SLTM: variants seen among roughly 807,000 people sequenced by gnomAD.
SLTM encodes SAFB-like transcription modulator.
In SLTM, 43 loss-of-function variants were observed where a neutral mutation model predicts 134.6. That is an observed-to-expected ratio of 0.32 (90% CI 0.25 to 0.41). The LOEUF is 0.41. SLTM is among the 10% of genes least tolerant of loss of function. The probability of loss-of-function intolerance (pLI) is 1.00; values close to 1 mark genes in which losing one functional copy is unlikely to be tolerated. For synonymous variants in SLTM, 424 were observed against 432.3 expected (o/e 0.98, Z 0.24); for missense variants, 1,055 against 1,288.8 (o/e 0.82, Z 2.78).
chr15:58,923,844 T>G (rs2037275974), intron 2 of SLTM, among the ~76,000 whole-genome samples: 1 of 146,300 alleles, frequency 6.8e-6, no homozygotes, highest in South Asian at 2.2e-4. Flanking sequence ...TGTCTCGCTC[T>G]TCTTGCCCAG....
chr15:58,910,617 G>A (rs1351504281), intron 5 of SLTM, among the ~76,000 whole-genome samples: 1 of 152,120 alleles, frequency 6.6e-6, no homozygotes, highest in Non-Finnish European at 1.5e-5. Flanking sequence ...AACTATAGGA[G>A]TAGTCCTTGA....
chr15:58,901,207 A>C, intron 6 of SLTM, 53 bp downstream of exon 6: 1 of 1,388,138 alleles, frequency 7.2e-7, no homozygotes, highest in South Asian at 1.3e-5. Context: ...TTTTTACATA[A>C]TTTACTGTTT....
In SLTM at chr15:58,890,594, T is replaced by C. The variant is rs145283708; in HGVS notation, c.1899-133A>G. On this transcript the variant is annotated intron_variant, in intron 14 of 20. Transcript: ENST00000380516. Reference sequence around the variant, plus strand: ...CTCAATCTAAGTAGTTTTAATGTAATTGGAAAGAGAATTCAAAGTAAAACT... The same window carrying C: ...CTCAATCTAAGTAGTTTTAATGTAACTGGAAAGAGAATTCAAAGTAAAACT... 0.02 allele frequency: 17,042 copies of C among 852,436 alleles called. 224 individuals carry two copies. The highest frequency in any genetic ancestry group is 0.025 in the Non-Finnish European group (14,333 of 577,292). 52.8% of individuals were successfully genotyped at this position (852,436 alleles called of 1,614,324 possible).
chr15:58,899,361 T>C lies in SLTM; in HGVS notation c.1058+108A>G. The C allele has an allele frequency of 1.2e-6, 1 of 863,810 alleles. No homozygotes were observed. Among genetic ancestry groups the C allele is most frequent in the South Asian group, 1.6e-5 (1 of 61,342 alleles). The allele number at this position is 863,810 out of a possible 1,614,324, so 53.5% of individuals were successfully genotyped here. Reference sequence around the variant, plus strand: ...GTCAAAAATATTATAGGCAGGATCATAAGACACTAATTACTGTACATGTTC... The same window carrying C: ...GTCAAAAATATTATAGGCAGGATCACAAGACACTAATTACTGTACATGTTC... On this transcript the variant is annotated intron_variant, in intron 7 of 20. Transcript: ENST00000380516. The surrounding 1 kb of genome is among the most constrained non-coding windows in gnomAD (Gnocchi z 5.0).
At chr15:58,922,494 CATATTAT>C (rs1352317284) in intron 2 of SLTM, among the ~76,000 whole-genome samples, 1 of 139,728 alleles carries the variant, frequency 7.2e-6, no homozygotes, top group East Asian at 2.0e-4. Context: ...ATACAATATG[CATATTAT>C]ATATTATATA....
chr15:58,923,087 T>G (rs2037210164), intron 2 of SLTM, among the ~76,000 whole-genome samples: 1 of 152,060 alleles, frequency 6.6e-6, no homozygotes, highest in African/African-American at 2.4e-5. Context: ...TCGGGCATGG[T>G]AGCTTGAACC....
chr15:58,930,254 C>G (rs926454047), intron 2 of SLTM, among the ~76,000 whole-genome samples: 1 of 150,734 alleles, frequency 6.6e-6, no homozygotes, highest in Non-Finnish European at 1.5e-5. Flanking sequence ...GCTGGGACTA[C>G]AGGCACGCGC....
chr15:58,880,202 A>C, intron 20 of SLTM, 95 bp from the exon 21 acceptor site: 1 of 1,466,218 alleles, frequency 6.8e-7, no homozygotes, highest in South Asian at 1.4e-5. Flanking sequence ...ATCCAAAATA[A>C]ATCATTTACT....
intron 2 of SLTM, among the ~76,000 whole-genome samples, chr15:58,929,777 C>A (rs1238420188): frequency 1.3e-5 from 2 of 151,992 alleles, no homozygotes; most frequent in Non-Finnish European, 2.9e-5. Flanking sequence ...TTTTAGAACT[C>A]TGCCATTTTA....
Position 58,933,574 on chromosome 15 carries a change from A to G in SLTM, c.-9T>C. The G allele has an allele frequency of 6.4e-7, 1 of 1,573,804 alleles. No individual in the cohort carries two copies. Among genetic ancestry groups the G allele is most frequent in the Non-Finnish European group, 8.6e-7 (1 of 1,162,000 alleles). Reference sequence around the variant, plus strand: ...CCGGTAGCGGCAGCCATCTTAGAAGAGCAGCGCGCTGCCGAGGCAGCGAGT... The same window carrying G: ...CCGGTAGCGGCAGCCATCTTAGAAGGGCAGCGCGCTGCCGAGGCAGCGAGT... On this transcript the variant is annotated 5_prime_UTR_variant, in exon 1 of 21. Transcript: ENST00000380516.
intron 5 of SLTM, among the ~76,000 whole-genome samples, chr15:58,902,711 T>C (rs1476643433): frequency 6.6e-6 from 1 of 150,910 alleles, no homozygotes; most frequent in African/African-American, 2.4e-5. Context: ...TAATAACTTG[T>C]TTTGTATGTT....
chr15:58,927,463 G>A (rs1567164766), intron 2 of SLTM, among the ~76,000 whole-genome samples: 2 of 152,124 alleles, frequency 1.3e-5, no homozygotes, highest in Admixed American at 6.6e-5. Flanking sequence ...TAAAAACGGG[G>A]TTTCACCATG....
At chr15:58,882,586 A>G (rs1164868880) in intron 20 of SLTM, among the ~76,000 whole-genome samples, 1 of 152,254 alleles carries the variant, frequency 6.6e-6, no homozygotes, top group Non-Finnish European at 1.5e-5. Flanking sequence ...TGAAAATAAA[A>G]GAATCTATAT....
At chr15:58,883,523 G>T (rs1230966789) in intron 20 of SLTM, 103 bp downstream of exon 20, 1 of 1,465,214 alleles carries the variant, frequency 6.8e-7, no homozygotes, top group South Asian at 1.3e-5. Context: ...CAGATCTAGG[G>T]TTTTCAGTAG....
chr15:58,890,246 G>A, intron 15 of SLTM, 35 bp downstream of exon 15: 1 of 1,607,150 alleles, frequency 6.2e-7, no homozygotes, highest in Non-Finnish European at 8.5e-7. Context: ...TGAAAAAGGT[G>A]AGTTATTTAA....
intron 5 of SLTM, among the ~76,000 whole-genome samples, chr15:58,911,904 A>G (rs1324841436): frequency 6.6e-6 from 1 of 152,170 alleles, no homozygotes; most frequent in African/African-American, 2.4e-5. Context: ...TGAAAAGGAT[A>G]TTAGTACTTT....
rs2035842545 is a variant in SLTM at position 58,905,985 on chromosome 15, G to A, written c.562-4698C>T. On this transcript the variant is annotated intron_variant, in intron 5 of 20. Transcript: ENST00000380516. ...AACAAAACTGATTACAATGTGGTTG[G>A]AGCACAAAAACAACTTGGGTAAAGT... Among the ~76,000 whole-genome samples, 4 of 152,262 alleles carry A rather than the reference G, an allele frequency of 2.6e-5. No homozygotes were observed. The South Asian group carries it at 8.3e-4, about 32-fold the overall frequency.
intron 8 of SLTM, 43 bp downstream of exon 8, chr15:58,898,758 TAC>T (rs779021781): frequency 6.9e-7 from 1 of 1,442,444 alleles, no homozygotes; most frequent in Admixed American, 1.9e-5. Context: ...TTAATGAAAA[TAC>T]ACAATGTCAA....
At chr15:58,926,262 T>C (rs2037458185) in intron 2 of SLTM, among the ~76,000 whole-genome samples, 1 of 152,232 alleles carries the variant, frequency 6.6e-6, no homozygotes, top group South Asian at 2.1e-4. Flanking sequence ...TTATTGTTTT[T>C]TGATTCTCCA....
Sources: gnomAD v4.1 joint callset for allele counts (sites outside exome capture counted in the v4.1 genomes callset) on GRCh38, gnomAD v4.1.1 for gene constraint, Gnocchi (gnomAD v3.1) non-coding constraint, MANE v1.5 for transcripts, NCBI Gene and HGNC (gene_info 2026-07-23, HGNC 2026-07-21) for gene names.